Variants in JAKMIP3 observed in about 807,000 individuals in gnomAD.
The protein encoded by JAKMIP3 is janus kinase and microtubule-interacting protein 3.
In JAKMIP3, 58 loss-of-function variants were observed where a neutral mutation model predicts 118.5. That is an observed-to-expected ratio of 0.49 (90% CI 0.40 to 0.61). The LOEUF (loss-of-function observed/expected upper bound fraction) is 0.61. Ranked by LOEUF, JAKMIP3 falls within the 20% of genes least tolerant of loss-of-function variation. JAKMIP3 has a pLI of 0.00. For missense variants in JAKMIP3, 950 were observed against 1,109.0 expected, an observed-to-expected ratio of 0.86 and a Z score of 2.04; for synonymous variants, 486 against 451.2, an observed-to-expected ratio of 1.08 and a Z score of -0.98.
chr10:132,139,390 A>G (rs1313243838), intron 9 of JAKMIP3, among the ~76,000 whole-genome samples: 4 of 118,704 alleles, frequency 3.4e-5, no homozygotes, highest in Admixed American at 2.8e-4. Context: ...ATGTGAGTGT[A>G]TGAGTATGTG....
At chr10:132,040,116 T>TG (rs915613057) in intron 1 of JAKMIP3, among the ~76,000 whole-genome samples, 80 of 152,130 alleles carry the variant, frequency 5.3e-4, no homozygotes, top group African/African-American at 1.6e-3. Context: ...GTAATGGTAT[T>TG]GGGGGGGTGG....
chr10:132,136,139 C>T, intron 6 of JAKMIP3, 63 bp downstream of exon 6: 1 of 1,552,390 alleles, frequency 6.4e-7, no homozygotes. Flanking sequence ...GCATCTCCTC[C>T]CTTCTCCACG....
At chr10:132,130,458 T>C in intron 3 of JAKMIP3, among the ~76,000 whole-genome samples, 1 of 151,842 alleles carries the variant, frequency 6.6e-6, no homozygotes, top group East Asian at 1.9e-4. Context: ...GAACCAAGAG[T>C]TGATGCGGAG....
rs2048038743 is a variant in JAKMIP3 at position 132,118,332 on chromosome 10, C to T, written c.633+758C>T. ...CAGGGATTGCAAGGGACTGATTCCA[C>T]CCGATGCCCCTTGTCCTTTGGAGAG... is the stretch of plus-strand genomic sequence containing the variant. On this transcript the variant is annotated intron_variant, in intron 3 of 23. Coordinates refer to ENST00000684848, the MANE Select transcript of JAKMIP3 (RefSeq NM_001323087.2). The surrounding 1 kb of genome is among the most constrained non-coding windows in gnomAD (Gnocchi z 4.8). Among the ~76,000 whole-genome samples the T allele has an allele frequency of 6.6e-6, 1 of 152,236 alleles. No homozygotes were observed. The highest frequency in any genetic ancestry group is 1.5e-5 in the Non-Finnish European group (1 of 68,044).
chr10:132,036,601 CG>C (rs2037502800), upstream of JAKMIP3, among the ~76,000 whole-genome samples: 1 of 151,208 alleles, frequency 6.6e-6, no homozygotes, highest in African/African-American at 2.4e-5. Flanking sequence ...GGGGACCGCC[CG>C]GGAGTGGGGG....
At chr10:132,089,862 T>C (rs2042889924) in intron 1 of JAKMIP3, among the ~76,000 whole-genome samples, 1 of 152,238 alleles carries the variant, frequency 6.6e-6, no homozygotes, top group Non-Finnish European at 1.5e-5. Context: ...AAATAGCTCT[T>C]ATTATTTTGA....
rs141532592 is a variant in JAKMIP3 at position 132,153,002 on chromosome 10, A to G, written c.2052A>G (p.Thr684=). ...AGGTGGTTGTCATACAAGCCAGGAC[A>G]GTCCTGACCTTGGCCGAAAAGGTAA... ...EEQVVVIQAR[T]VLTLAEKWLQ... Residue 684 remains threonine, a synonymous_variant, in exon 17 of 24, where the codon ACA becomes ACG. Coordinates refer to ENST00000684848, the MANE Select transcript of JAKMIP3 (RefSeq NM_001323087.2). 1.1e-4 allele frequency: 185 copies of G among 1,609,226 alleles called. No homozygotes were observed. Among genetic ancestry groups the G allele is most frequent in the Non-Finnish European group, 1.5e-4 (176 of 1,178,220 alleles).
intron 19 of JAKMIP3, among the ~76,000 whole-genome samples, chr10:132,160,184 G>A (rs1167649293): frequency 6.7e-3 from 196 of 29,374 alleles, no homozygotes; most frequent in Non-Finnish European, 9.6e-3. Context: ...GTGTGATGCT[G>A]GGTGGGCCTC....
chr10:132,100,726 C>A (rs552822783), intron 1 of JAKMIP3, among the ~76,000 whole-genome samples: 1 of 152,296 alleles, frequency 6.6e-6, no homozygotes, highest in East Asian at 1.9e-4. Context: ...GCCTCCCAGC[C>A]GCCCCAACAT....
At chr10:132,172,777 G>A (rs1225837189) in intron 23 of JAKMIP3, among the ~76,000 whole-genome samples, 1 of 151,772 alleles carries the variant, frequency 6.6e-6, no homozygotes, top group Admixed American at 6.6e-5. Context: ...GGGAGCTCTG[G>A]CTTCTGTGTT....
intron 23 of JAKMIP3, among the ~76,000 whole-genome samples, chr10:132,180,534 T>TGTGC (rs1554962693): frequency 9.0e-5 from 3 of 33,222 alleles, no homozygotes; most frequent in Non-Finnish European, 1.6e-4. Flanking sequence ...TGTGTGTGTG[T>TGTGC]GTGTGTGTGT....
intron 1 of JAKMIP3, among the ~76,000 whole-genome samples, chr10:132,042,737 G>A (rs2037799783): frequency 6.6e-6 from 1 of 152,148 alleles, no homozygotes. Flanking sequence ...CTCTGCCATT[G>A]TAACTCACCC....
chr10:132,139,958 A>T (rs958651566), intron 9 of JAKMIP3, among the ~76,000 whole-genome samples: 7 of 152,182 alleles, frequency 4.6e-5, no homozygotes, highest in African/African-American at 1.2e-4. Flanking sequence ...GGCCCTAAAG[A>T]TGCAGACGTC....
In JAKMIP3 at chr10:132,073,225, G is replaced by A. The variant is rs150175548; in HGVS notation, c.-138+7164G>A. ...TTCTGAGATGGTGTCTTGCTCTTTC[G>A]CCCAGGCCAGACTGCAGTGGCGCTA... On this transcript the variant is annotated intron_variant, in intron 1 of 23. Coordinates refer to ENST00000684848, the MANE Select transcript of JAKMIP3 (RefSeq NM_001323087.2). 6.5e-4 allele frequency among the ~76,000 whole-genome samples: 98 copies of A among 151,870 alleles called. 2 individuals are homozygous for A. The highest frequency in any genetic ancestry group is 2.2e-3 in the African/African-American group (90 of 41,396).
chr10:132,067,622 T>G (rs61865705), intron 1 of JAKMIP3, among the ~76,000 whole-genome samples: 3,218 of 34,520 alleles, frequency 0.093, 138 homozygotes, highest in African/African-American at 0.22. Context: ...CTTCCGTGTG[T>G]ACTGTGGGCT....
At position 132,176,436 on chromosome 10, in the gene JAKMIP3, C is replaced by T. The variant is rs1252501775; in HGVS notation, c.*1104-5921C>T. On this transcript the variant is annotated intron_variant, in intron 23 of 23. Transcript: ENST00000684848. The stretch of plus-strand genomic sequence containing the variant: ...TGTGTGCCTCGCTCTTGCTGCTGGT[C>T]TGCAGCAGCTGCTTGCTCATTTCGT... 5.3e-5 allele frequency among the ~76,000 whole-genome samples: 8 copies of T among 152,318 alleles called. No homozygotes were observed. In the East Asian group the frequency reaches 1.3e-3, roughly 26 times the overall value.
intron 1 of JAKMIP3, among the ~76,000 whole-genome samples, chr10:132,074,154 G>C (rs1395695727): frequency 6.6e-6 from 1 of 152,052 alleles, no homozygotes; most frequent in African/African-American, 2.4e-5. Flanking sequence ...TGGGTTCAAG[G>C]GATTCTGCTG....
At chr10:132,115,791 G>A (rs976243959) in intron 2 of JAKMIP3, among the ~76,000 whole-genome samples, 12 of 152,218 alleles carry the variant, frequency 7.9e-5, no homozygotes, top group African/African-American at 2.9e-4. Flanking sequence ...AAAATGAAAG[G>A]ACCTTTGTCC....
intron 16 of JAKMIP3, among the ~76,000 whole-genome samples, chr10:132,151,183 C>T (rs914311012): frequency 2.0e-5 from 3 of 152,142 alleles, no homozygotes; most frequent in African/African-American, 7.2e-5. Context: ...CATCCACCCT[C>T]CATAATTTAT....
Sources: allele counts gnomAD v4.1 joint callset (sites outside exome capture counted in the v4.1 genomes callset), GRCh38; gene constraint gnomAD v4.1.1; non-coding constraint Gnocchi (gnomAD v3.1); transcripts MANE v1.5; gene names NCBI Gene and HGNC (gene_info 2026-07-23, HGNC 2026-07-21).